PDZRN4: variants seen among roughly 807,000 people sequenced by gnomAD.
PDZRN4 encodes PDZ domain containing ring finger 4.
In PDZRN4, 70 loss-of-function variants were observed where a neutral mutation model predicts 99.0. The ratio of observed to expected loss-of-function variants is 0.71; its 90% CI spans 0.58 to 0.86. The LOEUF is 0.86. Ranked by LOEUF, PDZRN4 falls within the 40% of genes least tolerant of loss-of-function variation. The probability of loss-of-function intolerance (pLI) is 0.00; values close to 1 mark genes in which losing one functional copy is unlikely to be tolerated. For missense variants in PDZRN4, 1,474 were observed against 1,331.2 expected (o/e 1.11, Z -1.67); for synonymous variants, 551 against 501.6 (o/e 1.10, Z -1.32).
chr12:41,287,526 G>A (rs1051001091), intron 3 of PDZRN4, among the ~76,000 whole-genome samples: 4 of 152,174 alleles, frequency 2.6e-5, no homozygotes, highest in African/African-American at 9.7e-5. Context: ...TCTCTATGCA[G>A]TTTGACTACT....
intron 7 of PDZRN4, among the ~76,000 whole-genome samples, chr12:41,561,109 T>C (rs777492052): frequency 1.6e-4 from 24 of 152,062 alleles, no homozygotes; most frequent in Non-Finnish European, 3.5e-4. Context: ...GAGAAATGAA[T>C]ACCAACTGTA....
intron 3 of PDZRN4, among the ~76,000 whole-genome samples, chr12:41,389,655 C>T (rs963122845): frequency 2.0e-5 from 3 of 152,196 alleles, no homozygotes; most frequent in African/African-American, 7.2e-5. Flanking sequence ...ATTTGAATGT[C>T]TACTGAGATA....
At chr12:41,381,332 C>T (rs1049057673) in intron 3 of PDZRN4, among the ~76,000 whole-genome samples, 1 of 150,810 alleles carries the variant, frequency 6.6e-6, no homozygotes, top group Non-Finnish European at 1.5e-5. Context: ...CTCTCTTTCT[C>T]TCTCTCTCTC....
intron 3 of PDZRN4, among the ~76,000 whole-genome samples, chr12:41,476,843 G>A (rs1209229973): frequency 1.3e-5 from 2 of 152,186 alleles, no homozygotes; most frequent in East Asian, 1.9e-4. Context: ...TCTTAATTGG[G>A]AAGCTGCAGA....
chr12:41,462,245 GA>G (rs1360218961), intron 3 of PDZRN4, among the ~76,000 whole-genome samples: 3 of 152,168 alleles, frequency 2.0e-5, no homozygotes, highest in Non-Finnish European at 2.9e-5. Flanking sequence ...TTACAAAATA[GA>G]TATGCAGTGT....
intron 3 of PDZRN4, among the ~76,000 whole-genome samples, chr12:41,357,398 G>C (rs931127819): frequency 1.3e-5 from 2 of 151,914 alleles, no homozygotes; most frequent in Non-Finnish European, 2.9e-5. Flanking sequence ...TAAGTAAATA[G>C]TGCTTGACGT....
At chr12:41,549,184 G>A (rs1324813727) in intron 5 of PDZRN4, among the ~76,000 whole-genome samples, 1 of 152,124 alleles carries the variant, frequency 6.6e-6, no homozygotes, top group Non-Finnish European at 1.5e-5. Flanking sequence ...TACAGAGGTA[G>A]CATTTCACTT....
chr12:41,445,350 T>A (rs1952716341), intron 3 of PDZRN4, among the ~76,000 whole-genome samples: 1 of 152,108 alleles, frequency 6.6e-6, no homozygotes, highest in South Asian at 2.1e-4. Context: ...CCTGCACATT[T>A]GTTATTCATT....
At chr12:41,257,423 C>G (rs929759372) in intron 3 of PDZRN4, among the ~76,000 whole-genome samples, 14 of 152,152 alleles carry the variant, frequency 9.2e-5, no homozygotes, top group Admixed American at 1.3e-4. Flanking sequence ...TAGGCCCTGC[C>G]TTCTAATACC....
At chr12:41,457,222 T>G (rs73130613) in intron 3 of PDZRN4, among the ~76,000 whole-genome samples, 46 of 152,360 alleles carry the variant, frequency 3.0e-4, no homozygotes, top group Non-Finnish European at 5.7e-4. Context: ...AACACTATGC[T>G]ATTGGAGTAT....
intron 3 of PDZRN4, among the ~76,000 whole-genome samples, chr12:41,230,072 A>G (rs1252358267): frequency 6.6e-6 from 1 of 151,850 alleles, no homozygotes; most frequent in Non-Finnish European, 1.5e-5. Context: ...TCTTCTGGAG[A>G]CCAGAAATCA....
chr12:41,298,408 C>T (rs899949122), intron 3 of PDZRN4, among the ~76,000 whole-genome samples: 20 of 152,140 alleles, frequency 1.3e-4, no homozygotes, highest in African/African-American at 3.6e-4. Flanking sequence ...GAAGACTTAA[C>T]GATACCAAAG....
chr12:41,234,135 T>C (rs1253351618), intron 3 of PDZRN4, among the ~76,000 whole-genome samples: 1 of 152,110 alleles, frequency 6.6e-6, no homozygotes, highest in East Asian at 1.9e-4. Context: ...TATATATTGA[T>C]AGTTTTCCTT....
intron 3 of PDZRN4, among the ~76,000 whole-genome samples, chr12:41,304,981 A>G (rs998680101): frequency 1.3e-5 from 2 of 152,248 alleles, no homozygotes; most frequent in Admixed American, 6.5e-5. Context: ...AGCATTGCAG[A>G]CAGGCAAGAA....
chr12:41,524,678 T>G (rs1938543324), intron 5 of PDZRN4, among the ~76,000 whole-genome samples: 1 of 152,142 alleles, frequency 6.6e-6, no homozygotes. Flanking sequence ...TTATTATAAG[T>G]GAAATAAAAG....
chr12:41,410,386 G>T (rs1314096436), intron 3 of PDZRN4, among the ~76,000 whole-genome samples: 1 of 152,130 alleles, frequency 6.6e-6, no homozygotes, highest in Non-Finnish European at 1.5e-5. Context: ...CGGTAAAGAT[G>T]AATATTCTGA....
chr12:41,570,495 A>G (rs887903861), intron 9 of PDZRN4, among the ~76,000 whole-genome samples: 4 of 152,206 alleles, frequency 2.6e-5, no homozygotes, highest in Admixed American at 2.6e-4. Flanking sequence ...GTTTCATTTT[A>G]CACAGTATGT....
chr12:41,219,314 G>T (rs1466692450), intron 3 of PDZRN4, among the ~76,000 whole-genome samples: 4 of 152,006 alleles, frequency 2.6e-5, no homozygotes, highest in African/African-American at 9.7e-5. Context: ...GATTGAGTAG[G>T]AGTTCAGTCA....
intron 3 of PDZRN4, among the ~76,000 whole-genome samples, chr12:41,265,492 C>G (rs1228703119): frequency 6.6e-6 from 1 of 152,150 alleles, no homozygotes; most frequent in East Asian, 1.9e-4. Flanking sequence ...ATCTCAAATC[C>G]TGTCTTAAAT....
Sources: gnomAD v4.1 joint callset for allele counts (sites outside exome capture counted in the v4.1 genomes callset) on GRCh38, gnomAD v4.1.1 for gene constraint, MANE v1.5 for transcripts, NCBI Gene and HGNC (gene_info 2026-07-23, HGNC 2026-07-21) for gene names.